The following RAB6A variants were observed in gnomAD, a reference collection of about 807,000 sequenced individuals.
The protein encoded by RAB6A is ras-related protein Rab-6A.
RAB6A carries 8 observed loss-of-function variants against 32.3 expected under a neutral mutation model. That is an observed-to-expected ratio of 0.25 (90% CI 0.15 to 0.45). The LOEUF (loss-of-function observed/expected upper bound fraction) is 0.45, where lower values mean the gene tolerates loss of function less well. Ranked by LOEUF, RAB6A falls within the 20% of genes least tolerant of loss-of-function variation. RAB6A has a pLI of 1.00. For synonymous variants in RAB6A, 73 were observed against 82.1 expected, an observed-to-expected ratio of 0.89 and a Z score of 0.60; for missense variants, 104 against 249.4, an observed-to-expected ratio of 0.42 and a Z score of 3.93.
Position 73,676,486 on chromosome 11 carries a change from A to G in RAB6A, c.*1412T>C, listed in dbSNP as rs1478816276. 2.4e-5 allele frequency: 4 copies of G among 166,960 alleles called. No homozygotes were observed. Among genetic ancestry groups the G allele is most frequent in the Admixed American group, 2.0e-4 (3 of 15,264 alleles). The allele number at this position is 166,960 out of a possible 1,614,324, so 10.3% of individuals were successfully genotyped here. ...CATCTGAAGATTGAAAGTTGTTAAA[A>G]AAAAAAAAGGCAAAGAAATAAATAT... On this transcript the variant is annotated 3_prime_UTR_variant, in exon 8 of 8. Transcript: ENST00000336083.
chr11:73,723,742 C>T (rs1399810210), intron 2 of RAB6A, among the ~76,000 whole-genome samples: 1 of 151,958 alleles, frequency 6.6e-6, no homozygotes, highest in African/African-American at 2.4e-5. Flanking sequence ...TTACAGTCTG[C>T]TAAGACAAAC....
At chr11:73,758,859 C>G (rs1267833714) in intron 1 of RAB6A, among the ~76,000 whole-genome samples, 1 of 152,124 alleles carries the variant, frequency 6.6e-6, no homozygotes, top group African/African-American at 2.4e-5. Flanking sequence ...CACAGAAAAG[C>G]TGGACTAGAA....
chr11:73,752,846 T>C (rs1213625089), intron 1 of RAB6A, among the ~76,000 whole-genome samples: 3 of 150,856 alleles, frequency 2.0e-5, no homozygotes, highest in African/African-American at 7.3e-5. Flanking sequence ...ATTAAAATGA[T>C]AGCAGAAAAA....
At chr11:73,760,419 C>T in intron 1 of RAB6A, 147 bp downstream of exon 1, 1 of 1,101,340 alleles carries the variant, frequency 9.1e-7, no homozygotes, top group African/African-American at 1.6e-5. Flanking sequence ...GAGCCAGTGG[C>T]ACCGGGGGGC....
At chr11:73,755,905 G>A (rs1221919244) in intron 1 of RAB6A, among the ~76,000 whole-genome samples, 1 of 151,404 alleles carries the variant, frequency 6.6e-6, no homozygotes, top group Non-Finnish European at 1.5e-5. Flanking sequence ...GGAGGAGGAA[G>A]AAGAGGAGGA....
chr11:73,737,294 G>A (rs1946413003), intron 1 of RAB6A, among the ~76,000 whole-genome samples: 1 of 152,052 alleles, frequency 6.6e-6, no homozygotes, highest in African/African-American at 2.4e-5. Flanking sequence ...AGATCAGCCT[G>A]GGCAAATAAG....
chr11:73,713,698 T>G (rs188567034), intron 5 of RAB6A, among the ~76,000 whole-genome samples: 124 of 152,344 alleles, frequency 8.1e-4, no homozygotes, highest in African/African-American at 2.8e-3. Context: ...TTTCATGTCA[T>G]GCTTATAAAA....
At position 73,755,454 on chromosome 11, in the gene RAB6A, C is replaced by T. The variant is rs1009218864; in HGVS notation, c.70+5112G>A. Among the ~76,000 whole-genome samples, 7 of 151,694 alleles carry T rather than the reference C, an allele frequency of 4.6e-5. No individual in the cohort carries two copies. The East Asian group carries it at 5.9e-4, about 13-fold the overall frequency. On this transcript the variant is annotated intron_variant, in intron 1 of 7. Coordinates refer to ENST00000336083, the MANE Select transcript of RAB6A (RefSeq NM_198896.2). ...GACTACAGGCACGCACCACCATGCC[C>T]GGCTAATTTTGTATTTTTAGTAGAA...
intron 6 of RAB6A, among the ~76,000 whole-genome samples, chr11:73,694,728 A>T (rs1411287549): frequency 6.6e-6 from 1 of 152,026 alleles, no homozygotes; most frequent in African/African-American, 2.4e-5. Context: ...TTAAAAATAT[A>T]CCAGGTCAGG....
chr11:73,758,010 T>C (rs1186615624), intron 1 of RAB6A, among the ~76,000 whole-genome samples: 1 of 152,252 alleles, frequency 6.6e-6, no homozygotes, highest in African/African-American at 2.4e-5. Flanking sequence ...ATGTGGTAAA[T>C]GCTATTAAGA....
At chr11:73,680,545 G>A (rs1945339008) in intron 6 of RAB6A, among the ~76,000 whole-genome samples, 1 of 152,122 alleles carries the variant, frequency 6.6e-6, no homozygotes, top group Non-Finnish European at 1.5e-5. Flanking sequence ...CCAGCTACTT[G>A]GGAGACTGAG....
At chr11:73,740,732 T>C (rs1370522298) in intron 1 of RAB6A, among the ~76,000 whole-genome samples, 1 of 151,770 alleles carries the variant, frequency 6.6e-6, no homozygotes, top group East Asian at 1.9e-4. Context: ...CTACTAAAAA[T>C]ACAAAATTGG....
rs187555687 is a variant in RAB6A, at chr11:73,701,203, C to G, written c.495+6217G>C. On this transcript the variant is annotated intron_variant, in intron 6 of 7. Coordinates refer to ENST00000336083, the MANE Select transcript of RAB6A (RefSeq NM_198896.2). ...TACCTATAGTACTGATAAATATATA[C>G]CTTATATACAGAAAGACTTCTGTGT... 5.9e-5 allele frequency among the ~76,000 whole-genome samples: 9 copies of G among 152,172 alleles called. No homozygotes were observed. The South Asian group carries it at 1.0e-3, about 18-fold the overall frequency.
chr11:73,756,179 C>A (rs1243643635), intron 1 of RAB6A, among the ~76,000 whole-genome samples: 1 of 151,822 alleles, frequency 6.6e-6, no homozygotes, highest in Non-Finnish European at 1.5e-5. Flanking sequence ...ATGGTAAAAT[C>A]CCATCTCTAC....
chr11:73,726,289 A>G (rs1946218324), intron 2 of RAB6A, among the ~76,000 whole-genome samples: 1 of 150,552 alleles, frequency 6.6e-6, no homozygotes, highest in Non-Finnish European at 1.5e-5. Flanking sequence ...CGTCTCAAAA[A>G]AAAAAAAAAA....
At chr11:73,712,533 T>C (rs1945975628) in intron 5 of RAB6A, among the ~76,000 whole-genome samples, 1 of 152,070 alleles carries the variant, frequency 6.6e-6, no homozygotes, top group East Asian at 1.9e-4. Flanking sequence ...GTATTTTTAG[T>C]AGAGACGAGG....
At chr11:73,696,910 A>G (rs754928121) in intron 6 of RAB6A, among the ~76,000 whole-genome samples, 38 of 151,854 alleles carry the variant, frequency 2.5e-4, no homozygotes, top group Non-Finnish European at 5.2e-4. Flanking sequence ...TGGCCTGATT[A>G]CTTTTAAATT....
chr11:73,704,951 A>ACGCCACTGCACTCC, intron 6 of RAB6A, among the ~76,000 whole-genome samples: 1 of 151,354 alleles, frequency 6.6e-6, no homozygotes, highest in Non-Finnish European at 1.5e-5. Context: ...AGCCGAGATC[A>ACGCCACTGCACTCC]CGCCACTGCA....
chr11:73,730,603 G>A (rs1295442633), intron 2 of RAB6A, 162 bp downstream of exon 2: 1 of 598,886 alleles, frequency 1.7e-6, no homozygotes, highest in South Asian at 2.4e-5. Context: ...GTTTATCCTA[G>A]GACTGGACAA....
Sources: allele counts gnomAD v4.1 joint callset (sites outside exome capture counted in the v4.1 genomes callset), GRCh38; gene constraint gnomAD v4.1.1; transcripts MANE v1.5; gene names NCBI Gene and HGNC (gene_info 2026-07-23, HGNC 2026-07-21).